Variants in TMT1B observed in about 807,000 individuals in gnomAD.
The protein encoded by TMT1B is thiol methyltransferase 1B.
At chr12:55,682,166 A>G in the TMT1B span, 1 of 1,613,976 alleles carries the variant, frequency 6.2e-7, no homozygotes, top group Non-Finnish European at 8.5e-7. Context: ...TGATGGCTCC[A>G]TGGATGTGGT....
chr12:55,682,964 A>G, the TMT1B span, among the ~76,000 whole-genome samples: 1 of 152,140 alleles, frequency 6.6e-6, no homozygotes, highest in Non-Finnish European at 1.5e-5. Context: ...TTCTAGCATG[A>G]GCAACTGAGG....
chr12:55,684,067 G>A, the TMT1B span: 37 of 1,610,218 alleles, frequency 2.3e-5, no homozygotes, highest in Admixed American at 3.3e-5. Flanking sequence ...CAAGCTCCAA[G>A]GCACTCATTT....
chr12:55,683,182 G>A, the TMT1B span, among the ~76,000 whole-genome samples: 4 of 152,116 alleles, frequency 2.6e-5, no homozygotes, highest in Admixed American at 6.5e-5. Context: ...TGTGAGAGAG[G>A]TTGTGCGTGT....
At chr12:55,683,534 A>T in the TMT1B span, among the ~76,000 whole-genome samples, 1 of 151,460 alleles carries the variant, frequency 6.6e-6, no homozygotes, top group African/African-American at 2.4e-5. Context: ...TGAGCCCTCC[A>T]CTCCTGTTTC....
the TMT1B span, chr12:55,683,951 G>A: frequency 1.1e-5 from 18 of 1,614,124 alleles, no homozygotes; most frequent in Non-Finnish European, 1.5e-5. Flanking sequence ...GAAGGATCTT[G>A]AGAACGCCCA....
chr12:55,682,784 A>C, the TMT1B span, among the ~76,000 whole-genome samples: 1 of 119,228 alleles, frequency 8.4e-6, no homozygotes, highest in East Asian at 2.2e-4. Context: ...ACCCTGTATC[A>C]AAAAAAATAA....
chr12:55,681,816 T>G, the TMT1B span: 3 of 1,556,936 alleles, frequency 1.9e-6, no homozygotes, highest in Non-Finnish European at 2.6e-6. Context: ...CCCCTGCACC[T>G]CATGGCTCTG....
chr12:55,682,049 C>A, the TMT1B span: 1 of 1,614,218 alleles, frequency 6.2e-7, no homozygotes, highest in Admixed American at 1.7e-5. Context: ...CTGCCTAGAC[C>A]CAAATCCCCA....
the TMT1B span, among the ~76,000 whole-genome samples, chr12:55,682,607 CAAAAAAA>C: frequency 4.8e-5 from 5 of 104,178 alleles, no homozygotes; most frequent in South Asian, 3.3e-4. Flanking sequence ...GCCGTCTCTA[CAAAAAAA>C]AAAAAAAAAA....
At chr12:55,681,892 G>A in the TMT1B span, 15 of 1,612,142 alleles carry the variant, frequency 9.3e-6, no homozygotes, top group African/African-American at 2.0e-4. Flanking sequence ...TGACTCCCAA[G>A]AGCAACCGCA....
the TMT1B span, chr12:55,683,922 G>A: frequency 6.2e-7 from 1 of 1,614,028 alleles, no homozygotes; most frequent in African/African-American, 1.3e-5. Context: ...GATGGCTGCT[G>A]CCTCACCAGA....
chr12:55,681,857 T>C, the TMT1B span: 1 of 1,591,066 alleles, frequency 6.3e-7, no homozygotes, highest in South Asian at 1.1e-5. Flanking sequence ...GTGCAAAAGC[T>C]ACTTCCCCTA....
the TMT1B span, among the ~76,000 whole-genome samples, chr12:55,683,267 G>T: frequency 6.6e-6 from 1 of 152,178 alleles, no homozygotes; most frequent in Non-Finnish European, 1.5e-5. Flanking sequence ...GGCAAGGCAG[G>T]TGGATCTCTT....
the TMT1B span, among the ~76,000 whole-genome samples, chr12:55,682,607 C>CAAAAAAA: frequency 1.9e-5 from 2 of 104,178 alleles, no homozygotes; most frequent in Non-Finnish European, 1.9e-5. Flanking sequence ...GCCGTCTCTA[C>CAAAAAAA]AAAAAAAAAA....
the TMT1B span, chr12:55,682,277 G>A: frequency 1.3e-6 from 2 of 1,593,784 alleles, no homozygotes; most frequent in Non-Finnish European, 1.7e-6. Flanking sequence ...AAGGGGATGG[G>A]TGTGGGGCAG....
At chr12:55,681,790 G>T in the TMT1B span, 1 of 1,552,326 alleles carries the variant, frequency 6.4e-7, no homozygotes, top group South Asian at 1.2e-5. Context: ...AGCTGCTGGT[G>T]CTGCTTCTTA....
chr12:55,684,413 C>T, the TMT1B span: 3 of 223,150 alleles, frequency 1.3e-5, no homozygotes, highest in African/African-American at 4.6e-5. Flanking sequence ...TACACCCATG[C>T]GTCTCTAGGA....
At chr12:55,682,345 G>C in the TMT1B span, 1 of 1,281,104 alleles carries the variant, frequency 7.8e-7, no homozygotes, top group East Asian at 2.5e-5. Flanking sequence ...GTCTGAGGTA[G>C]TAAGTAGCAC....
chr12:55,682,975 G>A, the TMT1B span, among the ~76,000 whole-genome samples: 1 of 152,114 alleles, frequency 6.6e-6, no homozygotes, highest in Non-Finnish European at 1.5e-5. Flanking sequence ...GCAACTGAGG[G>A]GAGAGCTGAT....
Sources: gnomAD v4.1 joint callset for allele counts (sites outside exome capture counted in the v4.1 genomes callset) on GRCh38, gnomAD v4.1.1 for gene constraint, MANE v1.5 for transcripts, NCBI Gene and HGNC (gene_info 2026-07-23, HGNC 2026-07-21) for gene names.